EXOC4: variants seen among roughly 807,000 people sequenced by gnomAD.
EXOC4 encodes SEC8-like 1.
A neutral mutation model predicts 107.2 loss-of-function variants in EXOC4; 71 were observed. The observed-to-expected ratio is 0.66, with a 90% confidence interval of 0.55 to 0.81. The LOEUF (loss-of-function observed/expected upper bound fraction) is 0.81. EXOC4 is among the 30% of genes least tolerant of loss of function. EXOC4 has a pLI of 0.00. For synonymous variants in EXOC4, 456 were observed against 441.2 expected (o/e 1.03, Z -0.42); for missense variants, 1,108 against 1,189.6 (o/e 0.93, Z 1.01).
intron 5 of EXOC4, among the ~76,000 whole-genome samples, chr7:133,326,256 C>G (rs1795237613): frequency 6.6e-6 from 1 of 152,222 alleles, no homozygotes; most frequent in Admixed American, 6.5e-5. Flanking sequence ...TGGCGAGGAG[C>G]TGCGTTCCTT....
intron 12 of EXOC4, among the ~76,000 whole-genome samples, chr7:133,908,732 A>C (rs1330863991): frequency 6.6e-6 from 1 of 152,238 alleles, no homozygotes; most frequent in African/African-American, 2.4e-5. Flanking sequence ...AGCCAATACA[A>C]TTATTTATTG....
intron 10 of EXOC4, among the ~76,000 whole-genome samples, chr7:133,679,201 G>C (rs1363522705): frequency 6.6e-6 from 1 of 151,996 alleles, no homozygotes. Context: ...AGTTGTTTTG[G>C]GAATTAAGCA....
At chr7:133,289,246 G>A (rs1584781840) in intron 3 of EXOC4, 130 bp downstream of exon 3, 4 of 682,830 alleles carry the variant, frequency 5.9e-6, no homozygotes, top group East Asian at 2.7e-5. Flanking sequence ...AGCCCTTGAA[G>A]GTGAAGCCTG....
intron 5 of EXOC4, among the ~76,000 whole-genome samples, chr7:133,336,830 T>A (rs1795527770): frequency 6.6e-6 from 1 of 151,754 alleles, no homozygotes; most frequent in Non-Finnish European, 1.5e-5. Flanking sequence ...GCCTCCCGGG[T>A]TCAAGCAATT....
intron 10 of EXOC4, among the ~76,000 whole-genome samples, chr7:133,769,550 CAGA>C (rs1478381106): frequency 1.3e-5 from 2 of 151,480 alleles, no homozygotes; most frequent in Non-Finnish European, 3.0e-5. Context: ...ATGTAGCACA[CAGA>C]AGGACAAATG....
intron 9 of EXOC4, among the ~76,000 whole-genome samples, chr7:133,595,585 G>T (rs11526285): frequency 0.13 from 19,581 of 152,134 alleles, 1,384 homozygotes; most frequent in East Asian, 0.23. Context: ...CACTTTATGT[G>T]CATGATCTCA....
the EXOC4 span, among the ~76,000 whole-genome samples, chr7:134,077,784 G>A: frequency 6.6e-6 from 1 of 152,234 alleles, no homozygotes; most frequent in Non-Finnish European, 1.5e-5. Flanking sequence ...GGCTTATCCT[G>A]TAACCTTCAC....
intron 5 of EXOC4, among the ~76,000 whole-genome samples, chr7:133,349,491 C>G (rs1157896706): frequency 6.6e-6 from 1 of 152,078 alleles, no homozygotes; most frequent in Non-Finnish European, 1.5e-5. Flanking sequence ...GTCAGAATTT[C>G]CTTCCTTTTT....
chr7:133,540,900 A>G (rs1368358545), intron 9 of EXOC4, among the ~76,000 whole-genome samples: 1 of 152,222 alleles, frequency 6.6e-6, no homozygotes, highest in Non-Finnish European at 1.5e-5. Flanking sequence ...GATGTTTGGA[A>G]TATTTTTACA....
intron 17 of EXOC4, among the ~76,000 whole-genome samples, chr7:134,008,754 G>C (rs137989393): frequency 6.6e-6 from 1 of 151,736 alleles, no homozygotes; most frequent in Non-Finnish European, 1.5e-5. Flanking sequence ...GGGATCCTCC[G>C]AGGAGCTGGG....
intron 17 of EXOC4, among the ~76,000 whole-genome samples, chr7:134,044,263 G>A (rs564054229): frequency 3.9e-5 from 6 of 152,232 alleles, no homozygotes; most frequent in African/African-American, 1.2e-4. Context: ...GCCACATCCC[G>A]CTCACTGACA....
At chr7:133,362,025 G>A (rs1796147597) in intron 6 of EXOC4, among the ~76,000 whole-genome samples, 1 of 152,042 alleles carries the variant, frequency 6.6e-6, no homozygotes, top group Non-Finnish European at 1.5e-5. Context: ...TACATATATA[G>A]GAAATTTGTT....
At chr7:133,912,969 GA>G (rs2116613009) in intron 12 of EXOC4, among the ~76,000 whole-genome samples, 1 of 152,234 alleles carries the variant, frequency 6.6e-6, no homozygotes, top group East Asian at 1.9e-4. Flanking sequence ...AGTCAAGGTT[GA>G]AAACCTCTGG....
intron 14 of EXOC4, among the ~76,000 whole-genome samples, chr7:133,947,838 T>C (rs1800591809): frequency 6.6e-6 from 1 of 152,158 alleles, no homozygotes; most frequent in Admixed American, 6.5e-5. Flanking sequence ...TCATGGATGC[T>C]TAAGTGTGGT....
intron 7 of EXOC4, among the ~76,000 whole-genome samples, chr7:133,420,261 A>G (rs1584902935): frequency 1.3e-5 from 2 of 149,188 alleles, no homozygotes; most frequent in South Asian, 4.3e-4. Flanking sequence ...GAGAATGATG[A>G]TTTCCAATTT....
chr7:133,664,309 C>T (rs1412077900), intron 10 of EXOC4, among the ~76,000 whole-genome samples: 3 of 152,094 alleles, frequency 2.0e-5, no homozygotes, highest in Non-Finnish European at 4.4e-5. Flanking sequence ...CTGTAGTTTT[C>T]GTACCACTTA....
At chr7:133,595,454 C>T (rs1404031458) in intron 9 of EXOC4, among the ~76,000 whole-genome samples, 1 of 152,200 alleles carries the variant, frequency 6.6e-6, no homozygotes, top group Non-Finnish European at 1.5e-5. Context: ...TTGCATACTT[C>T]ATTAGATTAG....
intron 17 of EXOC4, among the ~76,000 whole-genome samples, chr7:134,024,225 C>A (rs1054312185): frequency 6.6e-6 from 1 of 152,106 alleles, no homozygotes; most frequent in East Asian, 1.9e-4. Flanking sequence ...CCGAGGCAGG[C>A]GGATCACGAA....
chr7:133,359,384 G>T (rs1563034278), intron 6 of EXOC4, among the ~76,000 whole-genome samples: 1 of 152,242 alleles, frequency 6.6e-6, no homozygotes, highest in East Asian at 1.9e-4. Flanking sequence ...CTCTTACTTA[G>T]GAAGGTATTA....
Sources: allele counts gnomAD v4.1 joint callset (sites outside exome capture counted in the v4.1 genomes callset), GRCh38; gene constraint gnomAD v4.1.1; transcripts MANE v1.5; gene names NCBI Gene and HGNC (gene_info 2026-07-23, HGNC 2026-07-21).